Variants in SFMBT2 observed in about 807,000 individuals in gnomAD.
SFMBT2 encodes scm-like with four MBT domains protein 2.
In SFMBT2, 38 loss-of-function variants were observed where a neutral mutation model predicts 110.1. The ratio of observed to expected loss-of-function variants is 0.35; its 90% confidence interval spans 0.27 to 0.45. The LOEUF (loss-of-function observed/expected upper bound fraction) is 0.45, where lower values mean the gene tolerates loss of function less well. Ranked by LOEUF, SFMBT2 falls within the 20% of genes least tolerant of loss-of-function variation. The pLI, the probability that SFMBT2 is intolerant of heterozygous loss-of-function variation, is 1.00. For synonymous variants in SFMBT2, 425 were observed against 425.4 expected, an observed-to-expected ratio of 1.00 and a Z score of 0.01; for missense variants, 1,011 against 1,094.9, an observed-to-expected ratio of 0.92 and a Z score of 1.08.
chr10:7,348,522 T>G (rs1844194678), intron 4 of SFMBT2, among the ~76,000 whole-genome samples: 1 of 152,232 alleles, frequency 6.6e-6, no homozygotes, highest in African/African-American at 2.4e-5. Flanking sequence ...GAAAAATAAT[T>G]AGGAAAACCT....
intron 1 of SFMBT2, among the ~76,000 whole-genome samples, chr10:7,409,856 G>C (rs1454600577): frequency 6.6e-6 from 1 of 151,786 alleles, no homozygotes; most frequent in Non-Finnish European, 1.5e-5. Context: ...CCCCGCAGTT[G>C]TGGCGCTTCC....
intron 10 of SFMBT2, among the ~76,000 whole-genome samples, chr10:7,222,045 T>G (rs1048615372): frequency 2.0e-5 from 3 of 152,260 alleles, no homozygotes; most frequent in Non-Finnish European, 4.4e-5. Context: ...CTATAGTTCT[T>G]AAACTTTAGG....
intron 11 of SFMBT2, among the ~76,000 whole-genome samples, chr10:7,212,700 A>G (rs1362094865): frequency 6.6e-6 from 1 of 152,190 alleles, no homozygotes; most frequent in Non-Finnish European, 1.5e-5. Flanking sequence ...GTACAAATAA[A>G]AAAGATTTTA....
chr10:7,406,713 T>C (rs1846221446), intron 1 of SFMBT2, among the ~76,000 whole-genome samples: 1 of 152,232 alleles, frequency 6.6e-6, no homozygotes, highest in South Asian at 2.1e-4. Context: ...CTCTGCGATG[T>C]ATGACTTCCA....
chr10:7,355,701 T>A (rs1246891741), intron 4 of SFMBT2, among the ~76,000 whole-genome samples: 1 of 152,074 alleles, frequency 6.6e-6, no homozygotes, highest in Non-Finnish European at 1.5e-5. Context: ...TAATCCCAGT[T>A]ATTCAGAAGG....
intron 4 of SFMBT2, chr10:7,348,263 G>A (rs1431799170): frequency 7.3e-6 from 11 of 1,500,332 alleles, no homozygotes; most frequent in East Asian, 5.1e-5. Flanking sequence ...TGACGGTCTC[G>A]AAGAAGTTTT....
chr10:7,360,169 C>T (rs1289538640), intron 4 of SFMBT2, among the ~76,000 whole-genome samples: 1 of 150,994 alleles, frequency 6.6e-6, no homozygotes, highest in Non-Finnish European at 1.5e-5. Flanking sequence ...TTCAAGATGA[C>T]CAAAGAGAGT....
At chr10:7,174,345 T>C (rs889151546) in intron 17 of SFMBT2, among the ~76,000 whole-genome samples, 1 of 152,140 alleles carries the variant, frequency 6.6e-6, no homozygotes, top group South Asian at 2.1e-4. Context: ...GCTGGCTTCT[T>C]AGAAGCCAGT....
intron 4 of SFMBT2, among the ~76,000 whole-genome samples, chr10:7,338,524 G>A (rs1006075130): frequency 1.3e-5 from 2 of 152,108 alleles, no homozygotes; most frequent in African/African-American, 4.8e-5. Context: ...AAATCATAAG[G>A]AAGCAAAAAT....
chr10:7,204,252 T>G (rs192513026), intron 12 of SFMBT2: 1 of 716,768 alleles, frequency 1.4e-6, no homozygotes, highest in African/African-American at 1.9e-5. Flanking sequence ...CTCTTAATAA[T>G]GCTAACTAGA....
chr10:7,263,296 C>A (rs1467730649), intron 7 of SFMBT2, among the ~76,000 whole-genome samples: 2 of 152,098 alleles, frequency 1.3e-5, no homozygotes. Context: ...GGCTGGAGTA[C>A]AATGGCGCGA....
chr10:7,181,421 A>T (rs1281693596), intron 16 of SFMBT2, among the ~76,000 whole-genome samples: 1 of 152,200 alleles, frequency 6.6e-6, no homozygotes, highest in Non-Finnish European at 1.5e-5. Flanking sequence ...AAGGATATTC[A>T]ACATGTATTT....
At chr10:7,289,200 A>G (rs1306023042) in intron 4 of SFMBT2, among the ~76,000 whole-genome samples, 1 of 152,218 alleles carries the variant, frequency 6.6e-6, no homozygotes, top group Non-Finnish European at 1.5e-5. Context: ...ACTGTACCCC[A>G]TAAATATGCA....
At chr10:7,394,560 G>A (rs1008242375) in intron 1 of SFMBT2, among the ~76,000 whole-genome samples, 2 of 140,312 alleles carry the variant, frequency 1.4e-5, no homozygotes, top group East Asian at 2.1e-4. Context: ...CTCCCACTGC[G>A]TCCTTAGGTC....
chr10:7,393,731 G>A (rs550695373), intron 1 of SFMBT2, among the ~76,000 whole-genome samples: 16 of 152,330 alleles, frequency 1.1e-4, no homozygotes, highest in East Asian at 1.9e-4. Flanking sequence ...AATGGGAGGT[G>A]TACGGGATTC....
rs943573499 is a variant in SFMBT2, at chr10:7,160,102, C to T, written c.*3668G>A. 2.6e-5 allele frequency: 4 copies of T among 152,106 alleles called. No homozygotes were observed. The highest frequency in any genetic ancestry group is 9.7e-5 in the African/African-American group (4 of 41,400). 9.4% of individuals were successfully genotyped at this position (152,106 alleles called of 1,614,324 possible). A position where few individuals can be genotyped will look rare whatever the true frequency, so the allele number is the denominator to read the frequency against. On this transcript the variant is annotated 3_prime_UTR_variant, in exon 21 of 21. Transcript: ENST00000397167. ...AAATAAGGTGGGAGAACCCAGAAGCCGTGCAGCTCAAATACTGTGTCTGAC... is the reference window on the plus strand; with the variant it reads ...AAATAAGGTGGGAGAACCCAGAAGCTGTGCAGCTCAAATACTGTGTCTGAC...
rs541564943 is a variant in SFMBT2, at chr10:7,204,426, A to C, written c.1444+1389T>G. ...TCCATCAAGAAAATGTCAGAGACGG[A>C]ATCTCTTTAACAGTTAAAACCTGTT... On this transcript the variant is annotated intron_variant, in intron 12 of 20. Transcript: ENST00000397167. The C allele has an allele frequency of 4.0e-3, 3,978 of 985,386 alleles. 8 individuals are homozygous for C. Among genetic ancestry groups the C allele is most frequent in the Middle Eastern group, 5.2e-3 (10 of 1,914 alleles). 61.0% of individuals were successfully genotyped at this position (985,386 alleles called of 1,614,324 possible). A position where few individuals can be genotyped will look rare whatever the true frequency, so the allele number is the denominator to read the frequency against.
intron 6 of SFMBT2, among the ~76,000 whole-genome samples, chr10:7,278,131 C>T (rs2131828087): frequency 1.3e-5 from 2 of 152,338 alleles, no homozygotes; most frequent in South Asian, 4.1e-4. Flanking sequence ...ATAATCCTTT[C>T]TAGTGTTTCC....
At chr10:7,364,149 T>C (rs928960895) in intron 4 of SFMBT2, among the ~76,000 whole-genome samples, 1 of 152,232 alleles carries the variant, frequency 6.6e-6, no homozygotes, top group South Asian at 2.1e-4. Context: ...TAAAACTTCT[T>C]GCCCCATGAA....
Sources: gnomAD v4.1 joint callset for allele counts (sites outside exome capture counted in the v4.1 genomes callset) on GRCh38, gnomAD v4.1.1 for gene constraint, MANE v1.5 for transcripts, NCBI Gene and HGNC (gene_info 2026-07-23, HGNC 2026-07-21) for gene names.